Variants in SH3PXD2A observed in about 807,000 individuals in gnomAD.
SH3PXD2A encodes SH3 and PX domain-containing protein 2A.
A neutral mutation model predicts 115.2 loss-of-function variants in SH3PXD2A; 32 were observed. The ratio of observed to expected loss-of-function variants is 0.28; its 90% CI spans 0.21 to 0.37. The LOEUF (loss-of-function observed/expected upper bound fraction) is 0.37. SH3PXD2A is among the 10% of genes least tolerant of loss of function. SH3PXD2A has a pLI of 1.00. For synonymous variants in SH3PXD2A, 610 were observed against 629.1 expected (o/e 0.97, Z 0.45); for missense variants, 1,328 against 1,498.7 (o/e 0.89, Z 1.88).
rs1271125442 is a variant in SH3PXD2A, at chr10:103,596,661, A to ACTCTCTCTCTCTCTCT, written c.*5154_*5155insAGAGAGAGAGAGAGAG. Reference sequence around the variant, plus strand: ...CACACACACACACACACACACACACACACTCTCTCTCTCTCTCTCTCTCTC... The same window carrying ACTCTCTCTCTCTCTCT: ...CACACACACACACACACACACACACACTCTCTCTCTCTCTCTCACTCTCTCTCTCTCTCTCTCTCTC... On this transcript the variant is annotated 3_prime_UTR_variant, in exon 15 of 15. Transcript: ENST00000369774. 7 of 36,978 alleles carry ACTCTCTCTCTCTCTCT rather than the reference A, an allele frequency of 1.9e-4. No homozygotes were observed. Among genetic ancestry groups the ACTCTCTCTCTCTCTCT allele is most frequent in the Admixed American group, 2.3e-4 (1 of 4,388 alleles). The allele number at this position is 36,978 out of a possible 1,614,324, so 2.3% of individuals were successfully genotyped here. A position where few individuals can be genotyped will look rare whatever the true frequency, so the allele number is the denominator to read the frequency against.
In SH3PXD2A at chr10:103,599,802, T is replaced by TTAA. The variant is rs2036189967; in HGVS notation, c.*2011_*2013dup. On this transcript the variant is annotated 3_prime_UTR_variant, in exon 15 of 15. Transcript: ENST00000369774. ...AGATTAACTCAACATCCTGCTCTAT[T>TTAA]TAATACTGTCCAGCAGAAGAAAATA... 6.6e-6 allele frequency: 1 copy of TTAA among 152,612 alleles called. No homozygotes were observed. The highest frequency in any genetic ancestry group is 2.4e-5 in the African/African-American group (1 of 41,436). 9.5% of individuals were successfully genotyped at this position (152,612 alleles called of 1,614,324 possible).
intron 8 of SH3PXD2A, among the ~76,000 whole-genome samples, chr10:103,634,945 T>C (rs2036842431): frequency 6.6e-6 from 1 of 151,998 alleles, no homozygotes; most frequent in African/African-American, 2.4e-5. Flanking sequence ...GTAGCTTAGG[T>C]TGAGCTATTA....
chr10:103,816,388 C>T (rs188259646), intron 1 of SH3PXD2A, among the ~76,000 whole-genome samples: 1 of 152,082 alleles, frequency 6.6e-6, no homozygotes, highest in Admixed American at 6.5e-5. Context: ...TACAAATGGC[C>T]AATAAGCACA....
intron 1 of SH3PXD2A, among the ~76,000 whole-genome samples, chr10:103,824,626 G>A (rs968352247): frequency 3.3e-5 from 5 of 152,098 alleles, no homozygotes; most frequent in South Asian, 2.1e-4. Flanking sequence ...CCCTCGGCTT[G>A]AGGATAACCA....
chr10:103,718,328 T>C (rs2038132350), intron 5 of SH3PXD2A, among the ~76,000 whole-genome samples: 1 of 152,216 alleles, frequency 6.6e-6, no homozygotes, highest in Non-Finnish European at 1.5e-5. Context: ...AGGGCATGTC[T>C]TTATCTGCCT....
chr10:103,836,240 G>A (rs2039538454), intron 1 of SH3PXD2A, among the ~76,000 whole-genome samples: 1 of 152,074 alleles, frequency 6.6e-6, no homozygotes, highest in African/African-American at 2.4e-5. Flanking sequence ...GGACCCCCTA[G>A]CCTGATCATA....
chr10:103,602,478 C>A lies in SH3PXD2A; in HGVS notation c.2740G>T (p.Ala914Ser), dbSNP rs201439736. The change falls in exon 15 of 15, where the codon GCC becomes TCC. Residue 914 changes from alanine (A) to serine (S), a missense_variant. Around this residue, in one of 5 missense-constraint regions of SH3PXD2A, gnomAD observed 574 missense variants for 565.7 expected, o/e 1.01. Transcript: ENST00000369774. ...TTGCCTTCGTTCTGCCTGCCCTTGG[C>A]GGGCACTGTGTCCAGCTCTTTGCCA... is the stretch of plus-strand genomic sequence containing the variant. ...PSGKELDTVP[A>S]KGRQNEGKSD... 47 of 1,614,144 alleles carry A rather than the reference C, an allele frequency of 2.9e-5. No individual in the cohort carries two copies. The highest frequency in any genetic ancestry group is 3.8e-5 in the Non-Finnish European group (45 of 1,180,008).
chr10:103,817,217 C>T (rs1399140945), intron 1 of SH3PXD2A, among the ~76,000 whole-genome samples: 2 of 151,600 alleles, frequency 1.3e-5, no homozygotes, highest in East Asian at 1.9e-4. Context: ...GGTAAACTTA[C>T]GTCGTGGGGC....
intron 1 of SH3PXD2A, among the ~76,000 whole-genome samples, chr10:103,839,167 G>T (rs1301238527): frequency 1.3e-5 from 2 of 152,172 alleles, no homozygotes; most frequent in South Asian, 2.1e-4. Flanking sequence ...AAGTAGAATA[G>T]AAATCCCAAC....
intron 5 of SH3PXD2A, among the ~76,000 whole-genome samples, chr10:103,702,617 G>GTGTGTGTGTGT (rs1554913283): frequency 6.6e-6 from 1 of 152,046 alleles, no homozygotes; most frequent in Non-Finnish European, 1.5e-5. Context: ...GTGTGTGCAT[G>GTGTGTGTGTGT]CTGGGTGCGG....
At chr10:103,669,286 G>A (rs2037426993) in intron 6 of SH3PXD2A, among the ~76,000 whole-genome samples, 1 of 152,212 alleles carries the variant, frequency 6.6e-6, no homozygotes, top group Non-Finnish European at 1.5e-5. Context: ...GACCTTGAGT[G>A]ACCAGAAGAG....
intron 11 of SH3PXD2A, among the ~76,000 whole-genome samples, chr10:103,613,417 G>T (rs1457802229): frequency 1.3e-5 from 2 of 152,240 alleles, no homozygotes; most frequent in Non-Finnish European, 2.9e-5. Flanking sequence ...TTCTTTGCCT[G>T]ATCCCTCTTG....
At chr10:103,735,981 C>A (rs757509104) in intron 3 of SH3PXD2A, among the ~76,000 whole-genome samples, 173 bp from the exon 4 acceptor site, 3 of 152,146 alleles carry the variant, frequency 2.0e-5, no homozygotes, top group Non-Finnish European at 4.4e-5. Context: ...GGGCAGGAGG[C>A]GCCCTAGGCT....
chr10:103,688,757 G>T (rs1264324926), intron 6 of SH3PXD2A, among the ~76,000 whole-genome samples: 1 of 152,178 alleles, frequency 6.6e-6, no homozygotes, highest in Non-Finnish European at 1.5e-5. Flanking sequence ...AGCTCTGTGA[G>T]CCAGGGTAGG....
At chr10:103,685,047 CA>C (rs995638844) in intron 6 of SH3PXD2A, among the ~76,000 whole-genome samples, 46 of 145,082 alleles carry the variant, frequency 3.2e-4, no homozygotes, top group African/African-American at 1.1e-3. Context: ...AAAACAAAAA[CA>C]AAAAAAAGGC....
intron 6 of SH3PXD2A, among the ~76,000 whole-genome samples, chr10:103,681,756 GCC>G (rs751113643): frequency 1.7e-5 from 2 of 118,996 alleles, no homozygotes; most frequent in Admixed American, 8.4e-5. Context: ...ACACACACGC[GCC>G]CGCGCGCGCG....
chr10:103,747,751 A>C (rs966676490), intron 3 of SH3PXD2A, among the ~76,000 whole-genome samples: 2 of 152,096 alleles, frequency 1.3e-5, no homozygotes, highest in Non-Finnish European at 1.5e-5. Context: ...GCCACAGGGG[A>C]GTTTGCCTGG....
intron 5 of SH3PXD2A, among the ~76,000 whole-genome samples, chr10:103,703,092 T>A (rs1289501226): frequency 1.3e-5 from 2 of 152,164 alleles, no homozygotes; most frequent in Non-Finnish European, 2.9e-5. Flanking sequence ...AGCTCCCTAT[T>A]TCCCATGGAG....
At chr10:103,811,082 C>T (rs957956732) in intron 1 of SH3PXD2A, among the ~76,000 whole-genome samples, 50 of 152,168 alleles carry the variant, frequency 3.3e-4, no homozygotes, top group African/African-American at 1.2e-3. Flanking sequence ...AATGACGGTC[C>T]CCAGGAGCGT....
Sources: gnomAD v4.1 joint callset for allele counts (sites outside exome capture counted in the v4.1 genomes callset) on GRCh38, gnomAD v4.1.1 for gene constraint, gnomAD v4.1.1 regional missense constraint, MANE v1.5 for transcripts, NCBI Gene and HGNC (gene_info 2026-07-23, HGNC 2026-07-21) for gene names.